LRMDA: variants seen among roughly 807,000 people sequenced by gnomAD.
LRMDA encodes the protein leucine-rich melanocyte differentiation-associated protein.
In LRMDA, 18 loss-of-function variants were observed where a neutral mutation model predicts 29.8. The observed-to-expected ratio is 0.60, with a 90% confidence interval of 0.42 to 0.90. The LOEUF (loss-of-function observed/expected upper bound fraction) is 0.90. Among genes scored for constraint, LRMDA ranks in the 40% least tolerant of loss-of-function variants. The pLI, the probability that LRMDA is intolerant of heterozygous loss-of-function variation, is 0.00. For synonymous variants in LRMDA, 125 were observed against 109.4 expected (o/e 1.14, Z -0.89); for missense variants, 273 against 273.9 (o/e 1.00, Z 0.02).
chr10:75,723,784 G>C (rs557316797), intron 2 of LRMDA, among the ~76,000 whole-genome samples: 54 of 152,294 alleles, frequency 3.5e-4, no homozygotes, highest in Admixed American at 2.1e-3. Context: ...TGGGACAGTG[G>C]AAAATTTGAT....
rs1262340519 is a variant in LRMDA at position 76,236,763 on chromosome 10, A to G, written c.517-87638A>G. Among the ~76,000 whole-genome samples the G allele has an allele frequency of 2.0e-5, 3 of 152,228 alleles. No homozygotes were observed. In the East Asian group the frequency reaches 5.8e-4, roughly 29 times the overall value. On this transcript the variant is annotated intron_variant, in intron 5 of 6. Coordinates refer to ENST00000611255, the MANE Select transcript of LRMDA (RefSeq NM_001305581.2). ...CACAAGCCCTTAGACTTCTTCTCTG[A>G]TTAATGTTTTCTAAGTGCACAAAAT...
intron 2 of LRMDA, among the ~76,000 whole-genome samples, chr10:75,487,060 C>T (rs1397116722): frequency 6.6e-6 from 1 of 152,166 alleles, no homozygotes; most frequent in African/African-American, 2.4e-5. Flanking sequence ...GTTGTTTTGT[C>T]AGATGACCCC....
chr10:75,870,012 C>G (rs912981416), intron 2 of LRMDA, among the ~76,000 whole-genome samples: 4 of 152,196 alleles, frequency 2.6e-5, no homozygotes, highest in Admixed American at 6.5e-5. Flanking sequence ...TATGAACCAG[C>G]CTTTCTCACC....
chr10:75,547,287 A>T (rs899480212), intron 2 of LRMDA, among the ~76,000 whole-genome samples: 1 of 152,186 alleles, frequency 6.6e-6, no homozygotes, highest in African/African-American at 2.4e-5. Flanking sequence ...TTGTAGGGTT[A>T]TTTTAGGCAT....
At chr10:76,269,418 C>T (rs541454730) in intron 5 of LRMDA, among the ~76,000 whole-genome samples, 69 of 152,250 alleles carry the variant, frequency 4.5e-4, no homozygotes, top group African/African-American at 1.5e-3. Flanking sequence ...TGTGCCAGAA[C>T]GGAGGCTGGA....
intron 5 of LRMDA, among the ~76,000 whole-genome samples, chr10:76,140,476 G>A (rs1850178848): frequency 6.6e-6 from 1 of 152,096 alleles, no homozygotes; most frequent in Non-Finnish European, 1.5e-5. Flanking sequence ...ATTTAAGCCT[G>A]AACTCAAGCC....
At chr10:76,051,895 T>C (rs1054630493) in intron 4 of LRMDA, among the ~76,000 whole-genome samples, 2 of 152,250 alleles carry the variant, frequency 1.3e-5, no homozygotes, top group African/African-American at 4.8e-5. Context: ...TTAAAAACTT[T>C]GATCTCTCAA....
Position 75,683,623 on chromosome 10 carries a change from G to T in LRMDA, c.131+245129G>T, listed in dbSNP as rs150817344. Reference sequence around the variant, plus strand: ...CACTCAGTATTTGGTGTCAGGCAAGGTTCCTAGGTGGTGTTCATTTCCTTT... The same window carrying T: ...CACTCAGTATTTGGTGTCAGGCAAGTTTCCTAGGTGGTGTTCATTTCCTTT... On this transcript the variant is annotated intron_variant, in intron 2 of 6. Transcript: ENST00000611255. 4.2e-3 allele frequency among the ~76,000 whole-genome samples: 646 copies of T among 152,322 alleles called. 4 individuals carry two copies. The highest frequency in any genetic ancestry group is 8.3e-3 in the Admixed American group (127 of 15,304).
At chr10:76,240,212 A>C (rs908844442) in intron 5 of LRMDA, among the ~76,000 whole-genome samples, 5 of 150,302 alleles carry the variant, frequency 3.3e-5, no homozygotes, top group East Asian at 4.0e-4. Flanking sequence ...CACACACACC[A>C]CACACACACA....
chr10:76,395,578 C>T (rs1166461116), intron 6 of LRMDA, among the ~76,000 whole-genome samples: 1 of 152,244 alleles, frequency 6.6e-6, no homozygotes, highest in Non-Finnish European at 1.5e-5. Flanking sequence ...TGCCTCCACA[C>T]CACATGAATT....
intron 2 of LRMDA, among the ~76,000 whole-genome samples, chr10:75,910,771 A>G (rs1033218876): frequency 1.5e-4 from 23 of 152,304 alleles, no homozygotes; most frequent in African/African-American, 5.5e-4. Context: ...AAGTTCATCA[A>G]TCCCTGGTCT....
chr10:76,429,047 C>T (rs1326340219), intron 6 of LRMDA, among the ~76,000 whole-genome samples: 1 of 151,478 alleles, frequency 6.6e-6, no homozygotes, highest in South Asian at 2.1e-4. Context: ...CACAAACACA[C>T]ACACACACAC....
intron 5 of LRMDA, among the ~76,000 whole-genome samples, chr10:76,260,109 C>G (rs1183246367): frequency 3.3e-5 from 5 of 151,938 alleles, no homozygotes; most frequent in Non-Finnish European, 7.4e-5. Flanking sequence ...AGGACTTACT[C>G]TTGTCATTTT....
At chr10:76,438,747 T>C (rs539448180) in intron 6 of LRMDA, 7 of 152,216 alleles carry the variant, frequency 4.6e-5, no homozygotes, top group African/African-American at 7.2e-5. Flanking sequence ...TGAAAAAATA[T>C]CTGTTTCTCG....
chr10:76,230,867 G>A (rs1852046157), intron 5 of LRMDA, among the ~76,000 whole-genome samples: 1 of 152,166 alleles, frequency 6.6e-6, no homozygotes, highest in Admixed American at 6.5e-5. Flanking sequence ...TATCTAAATT[G>A]AATAATGTGA....
chr10:75,598,284 C>T (rs139671062), intron 2 of LRMDA, among the ~76,000 whole-genome samples: 280 of 152,232 alleles, frequency 1.8e-3, no homozygotes, highest in African/African-American at 6.4e-3. Context: ...TAGCATTTTG[C>T]AGACGCAGCG....
intron 2 of LRMDA, among the ~76,000 whole-genome samples, chr10:75,599,635 C>A (rs1023796112): frequency 5.3e-5 from 8 of 152,186 alleles, no homozygotes; most frequent in Non-Finnish European, 8.8e-5. Context: ...GCATGTAGAT[C>A]CAAGCTGCGC....
chr10:76,295,306 G>T (rs1279290138), intron 5 of LRMDA, among the ~76,000 whole-genome samples: 1 of 152,218 alleles, frequency 6.6e-6, no homozygotes, highest in Non-Finnish European at 1.5e-5. Flanking sequence ...GTAAGGCATT[G>T]TAGAAGAGAT....
intron 6 of LRMDA, among the ~76,000 whole-genome samples, chr10:76,556,139 CA>C (rs1843554019): frequency 6.6e-6 from 1 of 152,130 alleles, no homozygotes; most frequent in African/African-American, 2.4e-5. Flanking sequence ...TTAAAAAGTT[CA>C]ACCCTATTGT....
Sources: allele counts gnomAD v4.1 joint callset (sites outside exome capture counted in the v4.1 genomes callset), GRCh38; gene constraint gnomAD v4.1.1; transcripts MANE v1.5; gene names NCBI Gene and HGNC (gene_info 2026-07-23, HGNC 2026-07-21).